ST7: variants seen among roughly 807,000 people sequenced by gnomAD.
The protein encoded by ST7 is suppression of tumorigenicity 7.
Under a neutral mutation model 78.7 loss-of-function variants are expected in ST7, and 28 were observed. That is an observed-to-expected ratio of 0.36 (90% CI 0.26 to 0.49). ST7 has a LOEUF of 0.49. Among genes scored for constraint, ST7 ranks in the 20% least tolerant of loss-of-function variants. The pLI, the probability that ST7 is intolerant of heterozygous loss-of-function variation, is 0.99. For synonymous variants in ST7, 247 were observed against 249.6 expected (o/e 0.99, Z 0.10); for missense variants, 418 against 696.0 (o/e 0.60, Z 4.49).
intron 1 of ST7, among the ~76,000 whole-genome samples, chr7:117,021,915 A>G (rs1336117301): frequency 6.6e-6 from 1 of 152,196 alleles, no homozygotes; most frequent in Non-Finnish European, 1.5e-5. Context: ...AGTGTCAAAG[A>G]CCATCCAGTT....
intron 1 of ST7, among the ~76,000 whole-genome samples, chr7:116,986,911 G>C (rs1794216342): frequency 6.6e-6 from 1 of 152,174 alleles, no homozygotes; most frequent in South Asian, 2.1e-4. Context: ...ACCGGCAAAG[G>C]AGACTGAGAA....
At chr7:117,073,374 G>T (rs1799115149) in intron 1 of ST7, among the ~76,000 whole-genome samples, 1 of 152,192 alleles carries the variant, frequency 6.6e-6, no homozygotes, top group Admixed American at 6.5e-5. Context: ...TGGTAGTGTA[G>T]AACTCTGTTC....
intron 4 of ST7, 151 bp downstream of exon 4, chr7:117,129,998 C>A: frequency 1.7e-6 from 1 of 588,400 alleles, no homozygotes. Flanking sequence ...TTTGATTTTT[C>A]TGTTTTATAA....
intron 9 of ST7, chr7:117,145,724 A>T (rs1167620425): frequency 1.3e-5 from 2 of 152,226 alleles, no homozygotes; most frequent in Non-Finnish European, 2.9e-5. Flanking sequence ...TAGGATCTCA[A>T]CATGTCTTTC....
intron 1 of ST7, among the ~76,000 whole-genome samples, chr7:116,955,624 AATTTT>A (rs919487488): frequency 6.6e-6 from 1 of 152,120 alleles, no homozygotes; most frequent in Non-Finnish European, 1.5e-5. Context: ...ACACACTTAA[AATTTT>A]ATTTCATGAT....
At chr7:117,075,413 G>A (rs1799268858) in intron 1 of ST7, among the ~76,000 whole-genome samples, 1 of 152,174 alleles carries the variant, frequency 6.6e-6, no homozygotes, top group Admixed American at 6.5e-5. Flanking sequence ...GAGGTAGAGC[G>A]AGATAATGTA....
chr7:117,113,561 T>C (rs925404825), intron 2 of ST7, among the ~76,000 whole-genome samples: 11 of 152,350 alleles, frequency 7.2e-5, no homozygotes, highest in Non-Finnish European at 1.6e-4. Flanking sequence ...GCTTAGCACA[T>C]TTATCATTAT....
intron 1 of ST7, chr7:117,090,956 A>G (rs1800562127): frequency 6.2e-6 from 1 of 161,880 alleles, no homozygotes; most frequent in Non-Finnish European, 1.5e-5. Context: ...GTTCCCACCA[A>G]TACAGTTTGC....
intron 1 of ST7, among the ~76,000 whole-genome samples, chr7:117,054,682 G>T (rs114911478): frequency 6.6e-6 from 1 of 152,194 alleles, no homozygotes; most frequent in Non-Finnish European, 1.5e-5. Flanking sequence ...GTCTTCATGG[G>T]TGAAGAACAG....
chr7:117,081,218 A>G (rs1276640030), intron 1 of ST7: 5 of 152,286 alleles, frequency 3.3e-5, no homozygotes, highest in Non-Finnish European at 5.9e-5. Context: ...TTTAACATGT[A>G]GAAACTGTAA....
chr7:116,975,092 G>T (rs1793631136), intron 1 of ST7, among the ~76,000 whole-genome samples: 1 of 152,182 alleles, frequency 6.6e-6, no homozygotes, highest in African/African-American at 2.4e-5. Context: ...TAAAGAAAAA[G>T]AGGTTTAATG....
At chr7:117,120,351 T>A (rs1803268108) in intron 3 of ST7, among the ~76,000 whole-genome samples, 2 of 152,226 alleles carry the variant, frequency 1.3e-5, no homozygotes, top group South Asian at 4.1e-4. Context: ...TTTTCTTCTA[T>A]GATAATTGCA....
intron 12 of ST7, 56 bp from the exon 13 acceptor site, chr7:117,209,731 C>G: frequency 6.4e-7 from 1 of 1,569,048 alleles, no homozygotes; most frequent in African/African-American, 1.4e-5. Flanking sequence ...ATTTTCAATA[C>G]TGAATTCTAA....
intron 11 of ST7, among the ~76,000 whole-genome samples, chr7:117,189,832 C>G (rs1370334846): frequency 2.6e-5 from 4 of 152,192 alleles, no homozygotes; most frequent in African/African-American, 9.6e-5. Context: ...AATTAGCCCC[C>G]CACTGGTCTA....
intron 1 of ST7, among the ~76,000 whole-genome samples, chr7:117,088,399 A>G (rs1391903536): frequency 1.3e-5 from 2 of 152,222 alleles, no homozygotes; most frequent in Non-Finnish European, 2.9e-5. Flanking sequence ...TATATTTTAG[A>G]TATTAATAAA....
chr7:117,139,867 C>G (rs886105373), intron 9 of ST7, among the ~76,000 whole-genome samples: 1 of 152,192 alleles, frequency 6.6e-6, no homozygotes, highest in African/African-American at 2.4e-5. Context: ...GAAATTCCAT[C>G]CTTTGATATA....
intron 1 of ST7, among the ~76,000 whole-genome samples, chr7:117,019,483 T>C (rs1274403536): frequency 6.6e-6 from 1 of 152,220 alleles, no homozygotes; most frequent in African/African-American, 2.4e-5. Flanking sequence ...TACAGAGGTA[T>C]ACACAGGTGT....
At chr7:116,994,657 G>T (rs1337333469) in intron 1 of ST7, among the ~76,000 whole-genome samples, 2 of 152,130 alleles carry the variant, frequency 1.3e-5, no homozygotes, top group Non-Finnish European at 2.9e-5. Context: ...AATCTTTAGT[G>T]ATATTTTTCT....
At chr7:117,060,207 G>T (rs114128613) in intron 1 of ST7, among the ~76,000 whole-genome samples, 2 of 152,122 alleles carry the variant, frequency 1.3e-5, no homozygotes, top group South Asian at 4.1e-4. Flanking sequence ...CTTGGGTGGG[G>T]CTAGACACTG....
Sources: allele counts gnomAD v4.1 joint callset (sites outside exome capture counted in the v4.1 genomes callset), GRCh38; gene constraint gnomAD v4.1.1; transcripts MANE v1.5; gene names NCBI Gene and HGNC (gene_info 2026-07-23, HGNC 2026-07-21).